Variants in NRG3 observed in about 807,000 individuals in gnomAD.
NRG3 encodes the protein pro-neuregulin-3, membrane-bound isoform.
In NRG3, 31 loss-of-function variants were observed where a neutral mutation model predicts 66.9. That is an observed-to-expected ratio of 0.46 (90% CI 0.35 to 0.63). NRG3 has a LOEUF of 0.63. Among genes scored for constraint, NRG3 ranks in the 20% least tolerant of loss-of-function variants. NRG3 has a pLI of 0.00. For missense variants in NRG3, 910 were observed against 878.9 expected, an observed-to-expected ratio of 1.04 and a Z score of -0.45; for synonymous variants, 393 against 359.4, an observed-to-expected ratio of 1.09 and a Z score of -1.06.
chr10:82,014,007 G>A (rs144096689), intron 1 of NRG3, among the ~76,000 whole-genome samples: 2 of 152,278 alleles, frequency 1.3e-5, no homozygotes, highest in African/African-American at 4.8e-5. Context: ...GAGAGTAGAA[G>A]CGTTTGGGAG....
At chr10:82,167,750 C>A (rs2072206660) in intron 1 of NRG3, among the ~76,000 whole-genome samples, 1 of 151,930 alleles carries the variant, frequency 6.6e-6, no homozygotes, top group African/African-American at 2.4e-5. Flanking sequence ...TATTTACCAC[C>A]TTCTTTTTAA....
intron 4 of NRG3, among the ~76,000 whole-genome samples, chr10:82,907,520 A>G (rs551061667): frequency 1.3e-4 from 20 of 152,314 alleles, no homozygotes; most frequent in African/African-American, 4.6e-4. Context: ...ATTAAGAAGC[A>G]TTAATGGAAT....
At chr10:82,962,350 A>G (rs1850734907) in intron 6 of NRG3, among the ~76,000 whole-genome samples, 1 of 152,232 alleles carries the variant, frequency 6.6e-6, no homozygotes, top group Admixed American at 6.5e-5. Flanking sequence ...AAAGTCATCA[A>G]AAGAGATCAT....
At chr10:82,814,131 C>A (rs1025081880) in intron 3 of NRG3, among the ~76,000 whole-genome samples, 6 of 152,204 alleles carry the variant, frequency 3.9e-5, no homozygotes, top group African/African-American at 1.4e-4. Context: ...TGAATTGCAG[C>A]AGATGAAAGC....
intron 2 of NRG3, among the ~76,000 whole-genome samples, chr10:82,591,688 C>CAAGGCATTACT (rs2046992467): frequency 6.6e-6 from 1 of 152,072 alleles, no homozygotes. Flanking sequence ...AGTAACTTTC[C>CAAGGCATTACT]CAAGGCCATT....
intron 1 of NRG3, among the ~76,000 whole-genome samples, chr10:82,223,968 A>G (rs1211639873): frequency 6.6e-6 from 1 of 152,166 alleles, no homozygotes; most frequent in Non-Finnish European, 1.5e-5. Context: ...CCTCTGTCTT[A>G]TCATGACAGA....
chr10:82,765,369 T>A (rs1344526853), intron 3 of NRG3, among the ~76,000 whole-genome samples: 3 of 152,110 alleles, frequency 2.0e-5, no homozygotes, highest in African/African-American at 7.2e-5. Context: ...AAAAATATAA[T>A]CTTATTGGAT....
At chr10:82,939,870 A>G (rs1023354977) in intron 4 of NRG3, among the ~76,000 whole-genome samples, 4 of 151,578 alleles carry the variant, frequency 2.6e-5, no homozygotes, top group African/African-American at 9.7e-5. Flanking sequence ...CCCCACCTCA[A>G]GAAATTGCTG....
intron 3 of NRG3, among the ~76,000 whole-genome samples, chr10:82,754,976 T>G (rs1591419574): frequency 6.6e-6 from 1 of 152,106 alleles, no homozygotes; most frequent in Non-Finnish European, 1.5e-5. Flanking sequence ...ATCAGCAAGA[T>G]GAAAGATGCT....
chr10:81,947,450 G>T (rs1422163023), intron 1 of NRG3, among the ~76,000 whole-genome samples: 1 of 152,106 alleles, frequency 6.6e-6, no homozygotes, highest in Non-Finnish European at 1.5e-5. Context: ...CAGACTGCCT[G>T]TCATCTGACA....
At chr10:81,897,002 TAA>T (rs1299900625) in intron 1 of NRG3, among the ~76,000 whole-genome samples, 1 of 152,140 alleles carries the variant, frequency 6.6e-6, no homozygotes, top group Admixed American at 6.6e-5. Context: ...AGGGTTAGGA[TAA>T]AAAGTTTGAA....
chr10:82,158,760 G>T (rs1311796651), intron 1 of NRG3, among the ~76,000 whole-genome samples: 1 of 151,816 alleles, frequency 6.6e-6, no homozygotes, highest in East Asian at 1.9e-4. Flanking sequence ...AATCCTGAGA[G>T]AAGTGGCATA....
chr10:82,960,287 G>A (rs112696499), intron 6 of NRG3, among the ~76,000 whole-genome samples: 291 of 152,218 alleles, frequency 1.9e-3, no homozygotes, highest in African/African-American at 6.8e-3. Context: ...TTTCTAATGG[G>A]TATAATCCCA....
intron 2 of NRG3, among the ~76,000 whole-genome samples, chr10:82,665,291 G>A (rs992609717): frequency 1.3e-5 from 2 of 152,116 alleles, no homozygotes; most frequent in African/African-American, 4.8e-5. Flanking sequence ...GAACAATAGT[G>A]TTATTCTTTG....
chr10:82,068,667 A>G (rs372164298), intron 1 of NRG3, among the ~76,000 whole-genome samples: 7 of 152,176 alleles, frequency 4.6e-5, no homozygotes, highest in African/African-American at 1.4e-4. Context: ...AATTGCTTAG[A>G]TGAAAGAGGT....
At chr10:82,300,383 C>T (rs1443629173) in intron 1 of NRG3, among the ~76,000 whole-genome samples, 1 of 152,098 alleles carries the variant, frequency 6.6e-6, no homozygotes, top group Non-Finnish European at 1.5e-5. Flanking sequence ...TGAAAATACC[C>T]ATAATCAAAA....
chr10:82,430,396 T>A (rs964399196), intron 2 of NRG3, among the ~76,000 whole-genome samples: 3 of 152,088 alleles, frequency 2.0e-5, no homozygotes, highest in African/African-American at 7.2e-5. Flanking sequence ...TAGCTGGGAC[T>A]ACAGGCACCC....
At chr10:82,218,745 T>C (rs2075801332) in intron 1 of NRG3, among the ~76,000 whole-genome samples, 1 of 152,130 alleles carries the variant, frequency 6.6e-6, no homozygotes, top group Admixed American at 6.6e-5. Context: ...CTAGCTTAAT[T>C]ACCACCTCCC....
At chr10:82,546,223 C>G (rs921168656) in intron 2 of NRG3, among the ~76,000 whole-genome samples, 1 of 152,152 alleles carries the variant, frequency 6.6e-6, no homozygotes, top group African/African-American at 2.4e-5. Context: ...TAACCAAACT[C>G]CAGTTCTTAG....
Sources: gnomAD v4.1 joint callset for allele counts (sites outside exome capture counted in the v4.1 genomes callset) on GRCh38, gnomAD v4.1.1 for gene constraint, MANE v1.5 for transcripts, NCBI Gene and HGNC (gene_info 2026-07-23, HGNC 2026-07-21) for gene names.